RIN2: variants seen among roughly 807,000 people sequenced by gnomAD.
RIN2 encodes the protein RAB5 interacting protein 2.
Under a neutral mutation model 78.0 loss-of-function variants are expected in RIN2, and 36 were observed. The observed-to-expected ratio is 0.46, with a 90% CI of 0.35 to 0.61. RIN2 has a LOEUF of 0.61. Ranked by LOEUF, RIN2 falls within the 20% of genes least tolerant of loss-of-function variation. RIN2 has a pLI of 0.00. For synonymous variants in RIN2, 466 were observed against 466.8 expected (o/e 1.00, Z 0.02); for missense variants, 1,087 against 1,159.7 (o/e 0.94, Z 0.91).
intron 3 of RIN2, among the ~76,000 whole-genome samples, chr20:19,890,923 G>A (rs920674453): frequency 6.6e-6 from 1 of 152,162 alleles, no homozygotes; most frequent in Non-Finnish European, 1.5e-5. Flanking sequence ...CTTGGGACTG[G>A]TGGATACAGC....
intron 9 of RIN2, among the ~76,000 whole-genome samples, chr20:19,977,225 G>A (rs1347914411): frequency 2.0e-5 from 3 of 152,180 alleles, no homozygotes; most frequent in East Asian, 3.8e-4. Flanking sequence ...GCTGATGTCA[G>A]GCCTGAGCTA....
At chr20:19,804,420 T>C (rs984553231) in intron 2 of RIN2, among the ~76,000 whole-genome samples, 7 of 152,244 alleles carry the variant, frequency 4.6e-5, no homozygotes, top group Admixed American at 3.3e-4. Flanking sequence ...GATGTGGAGT[T>C]CTATTGGATG....
chr20:19,878,760 A>T (rs1186089178), intron 2 of RIN2, among the ~76,000 whole-genome samples: 1 of 152,072 alleles, frequency 6.6e-6, no homozygotes, highest in Non-Finnish European at 1.5e-5. Context: ...CCATCCATCC[A>T]TGGGCCCACT....
rs755518110 is a variant in RIN2 at position 19,935,186 on chromosome 20, G to A, written c.145G>A (p.Ala49Thr). The A allele has an allele frequency of 1.1e-5, 17 of 1,598,248 alleles. No homozygotes were observed. In the Middle Eastern group the frequency reaches 6.6e-4, roughly 62 times the overall value. The change falls in exon 4 of 13, where the codon GCT (alanine) becomes ACT (threonine). Residue 49 changes from alanine to threonine, a missense_variant. Ala to Thr is a moderately conservative substitution (Grantham distance 58). Coordinates refer to ENST00000255006, the MANE Select transcript of RIN2 (RefSeq NM_018993.4). ...DVNLENGLEP[A>T]ETHSMVRHKD... is the part of the protein sequence containing the mutation. ...CAACCTGGAAAATGGCCTGGAACCC[G>A]CTGAAACCCACAGGTGACCAGAGAC...
chr20:19,819,561 T>A (rs78488766), intron 2 of RIN2, among the ~76,000 whole-genome samples: 3,055 of 152,360 alleles, frequency 0.02, 116 homozygotes, highest in African/African-American at 0.07. Context: ...CGTATATGTA[T>A]GAGACAAGGT....
In RIN2 at chr20:19,800,501, G is replaced by C. The variant is rs781046783; in HGVS notation, c.-37+754G>C. ...CAAAGTCTTGATTAGCAAAGGTGAC[G>C]GGGCTTCCACGTAGCTCTCTAAATC... is the stretch of plus-strand genomic sequence containing the variant. On this transcript the variant is annotated intron_variant, in intron 2 of 12. Transcript: ENST00000255006. Among the ~76,000 whole-genome samples the C allele has an allele frequency of 4.0e-4, 61 of 152,150 alleles. 1 individual carries two copies. Among genetic ancestry groups the C allele is most frequent in the Non-Finnish European group, 1.9e-4 (13 of 68,036 alleles).
chr20:19,844,692 C>CTTCTTCTTCTTCTTCTTCTTCT (rs1555832328), intron 2 of RIN2, among the ~76,000 whole-genome samples: 7 of 117,716 alleles, frequency 5.9e-5, no homozygotes, highest in African/African-American at 2.3e-4. Flanking sequence ...CTTCCTCTTC[C>CTTCTTCTTCTTCTTCTTCTTCT]TCTTCCTCTT....
At chr20:19,882,111 A>G (rs951683666) in intron 2 of RIN2, among the ~76,000 whole-genome samples, 2 of 152,238 alleles carry the variant, frequency 1.3e-5, no homozygotes, top group South Asian at 2.1e-4. Context: ...TGATACTGGT[A>G]GAAGAAAACC....
Position 19,886,842 on chromosome 20 carries a change from G to C in RIN2, c.-36-2724G>C, listed in dbSNP as rs879213731. On this transcript the variant is annotated intron_variant, in intron 2 of 12. Coordinates refer to ENST00000255006, the MANE Select transcript of RIN2 (RefSeq NM_018993.4). ...GATGGTTTTAGGATGAAGCTGCTGG[G>C]GTGACATCTGTGGGGAGGCATGGGG... 4.3e-5 allele frequency: 43 copies of C among 1,001,412 alleles called. No homozygotes were observed. In the South Asian group the frequency reaches 6.7e-4, roughly 16 times the overall value. 62.0% of individuals were successfully genotyped at this position (1,001,412 alleles called of 1,614,324 possible).
intron 3 of RIN2, among the ~76,000 whole-genome samples, chr20:19,927,706 C>T (rs913848440): frequency 4.6e-5 from 7 of 151,572 alleles, no homozygotes; most frequent in South Asian, 4.2e-4. Flanking sequence ...TGAGCCACCA[C>T]GCCCAGCCAA....
At chr20:19,954,057 G>A (rs961778725) in intron 4 of RIN2, among the ~76,000 whole-genome samples, 4 of 152,212 alleles carry the variant, frequency 2.6e-5, no homozygotes, top group Non-Finnish European at 4.4e-5. Context: ...AGGTGATGGA[G>A]AGAAGTTAGG....
intron 7 of RIN2, among the ~76,000 whole-genome samples, chr20:19,968,119 G>A (rs1299544246): frequency 6.6e-6 from 1 of 152,160 alleles, no homozygotes; most frequent in Non-Finnish European, 1.5e-5. Flanking sequence ...CTGCGAAGGT[G>A]TGCTAGGGAC....
chr20:19,951,939 A>G (rs530378881), intron 4 of RIN2, among the ~76,000 whole-genome samples: 2 of 152,266 alleles, frequency 1.3e-5, no homozygotes, highest in African/African-American at 4.8e-5. Flanking sequence ...TTTCTTAGAA[A>G]TCGCTAGTTT....
chr20:19,954,831 A>T (rs1276959284), intron 4 of RIN2, among the ~76,000 whole-genome samples: 1 of 152,058 alleles, frequency 6.6e-6, no homozygotes, highest in South Asian at 2.1e-4. Flanking sequence ...GGCTGTTATC[A>T]CTCAGGACAG....
chr20:19,859,821 T>C (rs1225543127), intron 2 of RIN2, among the ~76,000 whole-genome samples: 1 of 152,178 alleles, frequency 6.6e-6, no homozygotes, highest in Non-Finnish European at 1.5e-5. Context: ...GTTCTCTATA[T>C]GGAGAATCCA....
At chr20:19,780,442 C>T (rs991859513) in intron 1 of RIN2, among the ~76,000 whole-genome samples, 4 of 151,990 alleles carry the variant, frequency 2.6e-5, no homozygotes, top group African/African-American at 4.8e-5. Flanking sequence ...ACCAGGGTGT[C>T]CCATTCTCTG....
intron 2 of RIN2, chr20:19,889,111 G>C: frequency 1.0e-6 from 1 of 985,370 alleles, no homozygotes; most frequent in Non-Finnish European, 1.2e-6. Flanking sequence ...TTGCCTGGGG[G>C]AGAGGCCAGC....
intron 2 of RIN2, among the ~76,000 whole-genome samples, chr20:19,869,081 C>CAA (rs11413677): frequency 0.24 from 18,009 of 75,876 alleles, 2,820 homozygotes; most frequent in Non-Finnish European, 0.3. Context: ...GACTCCGTCT[C>CAA]AAAAAAAAAA....
chr20:19,841,665 C>A (rs1236865098), intron 2 of RIN2, among the ~76,000 whole-genome samples: 2 of 152,134 alleles, frequency 1.3e-5, no homozygotes, highest in African/African-American at 2.4e-5. Flanking sequence ...TGAGAAAAAG[C>A]ATTTAAGGAT....
Sources: gnomAD v4.1 joint callset for allele counts (sites outside exome capture counted in the v4.1 genomes callset) on GRCh38, gnomAD v4.1.1 for gene constraint, MANE v1.5 for transcripts, NCBI Gene and HGNC (gene_info 2026-07-23, HGNC 2026-07-21) for gene names.